The following GHR variants were observed in gnomAD, a reference collection of about 807,000 sequenced individuals.
GHR encodes GH receptor.
A neutral mutation model predicts 67.1 loss-of-function variants in GHR; 35 were observed. The observed-to-expected ratio is 0.52, with a 90% CI of 0.40 to 0.69. The LOEUF is 0.69. GHR is among the 30% of genes least tolerant of loss of function. The pLI is 0.00. For synonymous variants in GHR, 272 were observed against 269.1 expected (o/e 1.01, Z -0.10); for missense variants, 792 against 764.6 (o/e 1.04, Z -0.42).
At chr5:42,474,350 G>GAAAGAAAGAAAGAAAGAAAAGAAAT in intron 1 of GHR, among the ~76,000 whole-genome samples, 1 of 143,548 alleles carries the variant, frequency 7.0e-6, no homozygotes, top group South Asian at 2.3e-4. Flanking sequence ...AAGAAATAAA[G>GAAAGAAAGAAAGAAAGAAAAGAAAT]AAAGAAAGCA....
intron 1 of GHR, among the ~76,000 whole-genome samples, chr5:42,479,163 T>C (rs1463539193): frequency 2.0e-5 from 3 of 152,228 alleles, no homozygotes; most frequent in African/African-American, 7.2e-5. Flanking sequence ...TTGTCTTTGG[T>C]TCTGTTTATA....
chr5:42,675,551 T>A (rs1756530598), intron 3 of GHR, among the ~76,000 whole-genome samples: 1 of 152,182 alleles, frequency 6.6e-6, no homozygotes, highest in Non-Finnish European at 1.5e-5. Flanking sequence ...CAAGTAAATC[T>A]TGTGAAAGCG....
intron 1 of GHR, among the ~76,000 whole-genome samples, chr5:42,535,995 A>T (rs562761523): frequency 6.6e-6 from 1 of 152,134 alleles, no homozygotes; most frequent in South Asian, 2.1e-4. Context: ...AGAGCTACTG[A>T]TTTGTGTACA....
At chr5:42,681,857 A>AC (rs1286318941) in intron 3 of GHR, among the ~76,000 whole-genome samples, 1 of 142,728 alleles carries the variant, frequency 7.0e-6, no homozygotes, top group African/African-American at 2.6e-5. Context: ...AATGGCATGA[A>AC]CCCGGGAGGC....
intron 2 of GHR, among the ~76,000 whole-genome samples, chr5:42,582,941 C>T (rs1233710403): frequency 1.3e-5 from 2 of 152,360 alleles, no homozygotes; most frequent in East Asian, 1.9e-4. Flanking sequence ...TACCCACTCA[C>T]GTATCCCTCA....
chr5:42,642,899 A>T (rs969820327), intron 3 of GHR, among the ~76,000 whole-genome samples: 1 of 152,072 alleles, frequency 6.6e-6, no homozygotes, highest in African/African-American at 2.4e-5. Flanking sequence ...ACATCATTCC[A>T]ATCTCTGGTT....
chr5:42,525,815 G>A (rs945966325), intron 1 of GHR, among the ~76,000 whole-genome samples: 8 of 152,154 alleles, frequency 5.3e-5, no homozygotes, highest in Non-Finnish European at 1.0e-4. Flanking sequence ...GTTTATCAGA[G>A]GTTTCTGCTT....
chr5:42,584,772 T>G (rs1751381347), intron 2 of GHR, among the ~76,000 whole-genome samples: 1 of 145,886 alleles, frequency 6.9e-6, no homozygotes, highest in African/African-American at 2.7e-5. Context: ...ATTCAGCTTC[T>G]TAACTAGAAT....
At chr5:42,702,574 A>G (rs1757981661) in intron 6 of GHR, among the ~76,000 whole-genome samples, 2 of 152,060 alleles carry the variant, frequency 1.3e-5, no homozygotes, top group African/African-American at 4.8e-5. Flanking sequence ...GAATAATATA[A>G]TGGATCACAT....
chr5:42,647,110 G>A (rs1580120162), intron 3 of GHR, among the ~76,000 whole-genome samples: 1 of 152,080 alleles, frequency 6.6e-6, no homozygotes, highest in African/African-American at 2.4e-5. Context: ...TAGTATGTGG[G>A]TGATGCCGCT....
chr5:42,682,158 C>T (rs538902402), intron 3 of GHR, among the ~76,000 whole-genome samples: 16 of 152,190 alleles, frequency 1.1e-4, no homozygotes, highest in African/African-American at 3.1e-4. Flanking sequence ...TCTCAGCAAA[C>T]GATCACAAGA....
intron 3 of GHR, among the ~76,000 whole-genome samples, chr5:42,669,805 G>C (rs1031632367): frequency 1.3e-5 from 2 of 152,114 alleles, no homozygotes; most frequent in African/African-American, 4.8e-5. Context: ...AAATACTTAG[G>C]AGTAAATTTA....
In GHR at chr5:42,607,542, C is replaced by T. The variant is rs144811913; in HGVS notation, c.71-21496C>T. 4.4e-3 allele frequency among the ~76,000 whole-genome samples: 665 copies of T among 152,242 alleles called. 5 individuals carry two copies. The highest frequency in any genetic ancestry group is 0.015 in the African/African-American group (639 of 41,532). ...TATAGTCTGATTAGGAATAAGAAAA[C>T]TGACACAAAATAACAGCAAATAACA... On this transcript the variant is annotated intron_variant, in intron 2 of 9. Coordinates refer to ENST00000230882, the MANE Select transcript of GHR (RefSeq NM_000163.5).
chr5:42,696,074 A>G (rs1017663324), intron 5 of GHR, among the ~76,000 whole-genome samples: 1 of 152,228 alleles, frequency 6.6e-6, no homozygotes, highest in Non-Finnish European at 1.5e-5. Context: ...CACTGGGTAT[A>G]GCTGTTGAGT....
chr5:42,597,938 T>C (rs1388995835), intron 2 of GHR, among the ~76,000 whole-genome samples: 1 of 152,164 alleles, frequency 6.6e-6, no homozygotes, highest in African/African-American at 2.4e-5. Flanking sequence ...AAATAGTTAA[T>C]ATGCAGAAAT....
At chr5:42,559,465 G>A (rs1749484265) in intron 1 of GHR, among the ~76,000 whole-genome samples, 2 of 152,202 alleles carry the variant, frequency 1.3e-5, no homozygotes, top group Non-Finnish European at 1.5e-5. Context: ...AGGATCCCTT[G>A]AGCCAAAGAG....
chr5:42,602,691 G>A (rs1180470440), intron 2 of GHR, among the ~76,000 whole-genome samples: 1 of 151,954 alleles, frequency 6.6e-6, no homozygotes, highest in East Asian at 1.9e-4. Flanking sequence ...TGTCACCAAA[G>A]GGCTTACATA....
chr5:42,696,480 G>C (rs1246298342), intron 5 of GHR, among the ~76,000 whole-genome samples: 1 of 152,122 alleles, frequency 6.6e-6, no homozygotes. Context: ...GACCCACAGT[G>C]GTCAAAAGCA....
chr5:42,719,162 T>C lies in GHR; in HGVS notation c.1655T>C (p.Val552Ala), dbSNP rs751393106. 2 of 1,614,094 alleles carry C rather than the reference T, an allele frequency of 1.2e-6. No homozygotes were observed. The highest frequency in any genetic ancestry group is 1.1e-5 in the South Asian group (1 of 91,070). The change falls in exon 10 of 10, where the codon GTT becomes GCT. Residue 552 changes from valine to alanine, a missense_variant. Val to Ala is a moderately conservative substitution (Grantham distance 64). Coordinates refer to ENST00000230882, the MANE Select transcript of GHR (RefSeq NM_000163.5). ...ATCCCTGTGGCTCCTCACATCAAGG[T>C]TGAATCACACATACAGCCAAGCTTA... is the stretch of plus-strand genomic sequence containing the variant. ...KCIPVAPHIKVESHIQPSLNQ... is the reference protein window; with the variant it reads ...KCIPVAPHIKAESHIQPSLNQ...
Sources: allele counts gnomAD v4.1 joint callset (sites outside exome capture counted in the v4.1 genomes callset), GRCh38; gene constraint gnomAD v4.1.1; transcripts MANE v1.5; gene names NCBI Gene and HGNC (gene_info 2026-07-23, HGNC 2026-07-21).